The following ARHGAP23 variants were observed in gnomAD, a reference collection of about 807,000 sequenced individuals.
ARHGAP23 encodes the protein rho GTPase-activating protein 23.
A neutral mutation model predicts 136.3 loss-of-function variants in ARHGAP23; 34 were observed. That is an observed-to-expected ratio of 0.25 (90% CI 0.19 to 0.33). The LOEUF (loss-of-function observed/expected upper bound fraction) is 0.33. ARHGAP23 is among the 10% of genes least tolerant of loss of function. The pLI is 1.00. For missense variants in ARHGAP23, 1,808 were observed against 2,139.0 expected (o/e 0.85, Z 3.05); for synonymous variants, 832 against 920.5 (o/e 0.90, Z 1.74).
chr17:38,445,158 T>G (rs1378279326), intron 1 of ARHGAP23, among the ~76,000 whole-genome samples: 2 of 151,610 alleles, frequency 1.3e-5, no homozygotes, highest in African/African-American at 4.8e-5. Context: ...CTTGGCCTTT[T>G]TAAAAAAATC....
chr17:38,461,609 T>C (rs2144622418), intron 3 of ARHGAP23, among the ~76,000 whole-genome samples: 1 of 152,342 alleles, frequency 6.6e-6, no homozygotes, highest in East Asian at 1.9e-4. Flanking sequence ...CCCATTTCTC[T>C]GTTAGCTTAG....
chr17:38,428,136 G>A (rs1434025995), upstream of ARHGAP23, among the ~76,000 whole-genome samples: 2 of 152,054 alleles, frequency 1.3e-5, no homozygotes, highest in Non-Finnish European at 2.9e-5. Context: ...CGGTGCCCTT[G>A]TCCTCTTTCC....
chr17:38,479,883 G>A lies in ARHGAP23; in HGVS notation c.2629G>A (p.Asp877Asn). The A allele has an allele frequency of 6.5e-7, 1 of 1,546,760 alleles. No homozygotes were observed. The highest frequency in any genetic ancestry group is 8.7e-7 in the Non-Finnish European group (1 of 1,145,844). ...TCAGGACCTGCCCGCAGGGAGCAAG[G>A]GTAGGAAGGTGGCCACTGAGACAGG... ...RTQDLPAGSKDDSAAAPKTPW... is the reference protein window; with the variant it reads ...RTQDLPAGSKNDSAAAPKTPW... The change falls in exon 14 of 24, where the codon GAT (aspartate) becomes AAT (asparagine). Residue 877 changes from aspartate to asparagine, a missense_variant and splice_region_variant. Transcript: ENST00000622683.
At chr17:38,459,324 G>A (rs1203459540) in intron 2 of ARHGAP23, among the ~76,000 whole-genome samples, 1 of 152,194 alleles carries the variant, frequency 6.6e-6, no homozygotes, top group Non-Finnish European at 1.5e-5. Flanking sequence ...ATCTCTCTGT[G>A]TGCATATAGT....
In ARHGAP23 at chr17:38,485,248, C is replaced by A. The variant is rs530760152; in HGVS notation, c.2908-814C>A. ...TCCACTAGATGCAAGTGGCACCTCCCAGTTGGGAAAATCAAAATGGCTCCA... is the reference window on the plus strand; with the variant it reads ...TCCACTAGATGCAAGTGGCACCTCCAAGTTGGGAAAATCAAAATGGCTCCA... On this transcript the variant is annotated intron_variant, in intron 16 of 23. Transcript: ENST00000622683. 1.4e-4 allele frequency among the ~76,000 whole-genome samples: 21 copies of A among 152,272 alleles called. No individual in the cohort carries two copies. In the East Asian group the frequency reaches 2.1e-3, roughly 15 times the overall value.
Position 38,442,951 on chromosome 17 carries a change from C to T in ARHGAP23, c.63+14403C>T, listed in dbSNP as rs989155523. Among the ~76,000 whole-genome samples, 14 of 152,122 alleles carry T rather than the reference C, an allele frequency of 9.2e-5. No individual in the cohort carries two copies. In the South Asian group the frequency reaches 1.0e-3, roughly 11 times the overall value. On this transcript the variant is annotated intron_variant, in intron 1 of 23. Transcript: ENST00000622683. The stretch of plus-strand genomic sequence containing the variant: ...GACATCTAGGAAGCAGAGTCTACTC[C>T]GATGGGGGGATGGAGCGCTGGGGCC...
chr17:38,492,994 A>G (rs1010079706), intron 20 of ARHGAP23, among the ~76,000 whole-genome samples: 3 of 152,178 alleles, frequency 2.0e-5, no homozygotes, highest in Non-Finnish European at 4.4e-5. Flanking sequence ...TGCAGCCTTC[A>G]GGGAGGAAGG....
chr17:38,495,228 C>CTTTTT (rs11295890), intron 20 of ARHGAP23, among the ~76,000 whole-genome samples: 2 of 135,484 alleles, frequency 1.5e-5, no homozygotes, highest in Non-Finnish European at 3.2e-5. Context: ...TTTTCTTTTT[C>CTTTTT]TTTTTTTTTT....
chr17:38,483,172 A>G (rs755830228), intron 16 of ARHGAP23, among the ~76,000 whole-genome samples: 10 of 152,232 alleles, frequency 6.6e-5, no homozygotes, highest in Non-Finnish European at 1.5e-4. Flanking sequence ...TTAACAACGT[A>G]AAAACCATAC....
chr17:38,461,014 C>G (rs1183915105), intron 3 of ARHGAP23, 82 bp downstream of exon 3: 1 of 1,500,892 alleles, frequency 6.7e-7, no homozygotes, highest in South Asian at 1.3e-5. Context: ...CCTAAGACTG[C>G]CTGTCCTTTT....
Position 38,477,928 on chromosome 17 carries a change from G to A in ARHGAP23, c.2436+32G>A. 2 of 1,546,546 alleles carry A rather than the reference G, an allele frequency of 1.3e-6. No homozygotes were observed. The highest frequency in any genetic ancestry group is 8.7e-7 in the Non-Finnish European group (1 of 1,145,548). Reference sequence around the variant, plus strand: ...GCCCGGCCAGCCCGGCAGCCACAGAGGGCGGGCGGGGTGGCCTCTCACCGG... The same window carrying A: ...GCCCGGCCAGCCCGGCAGCCACAGAAGGCGGGCGGGGTGGCCTCTCACCGG... On this transcript the variant is annotated intron_variant, in intron 12 of 23. Coordinates refer to ENST00000622683, the MANE Select transcript of ARHGAP23 (RefSeq NM_001199417.2). This position sits in a 1 kb window ranked among gnomAD's most constrained non-coding sequence, Gnocchi z 6.6.
chr17:38,471,849 T>C lies in ARHGAP23; in HGVS notation c.1975-14T>C, dbSNP rs1202758996. The C allele has an allele frequency of 6.5e-7, 1 of 1,527,432 alleles. No homozygotes were observed. Among genetic ancestry groups the C allele is most frequent in the African/African-American group, 1.4e-5 (1 of 72,022 alleles). The allele number at this position is 1,527,432 out of a possible 1,614,324, so 94.6% of individuals were successfully genotyped here. On this transcript the variant is annotated splice_polypyrimidine_tract_variant and intron_variant, in intron 10 of 23. Coordinates refer to ENST00000622683, the MANE Select transcript of ARHGAP23 (RefSeq NM_001199417.2). ...GGGAGCCACCCTAAATTGTCCTCTG[T>C]TGTCTCCCTGCAGTCCTTGGATAGC... is the stretch of plus-strand genomic sequence containing the variant.
rs1220306737 is a variant in ARHGAP23 at position 38,477,643 on chromosome 17, C to T, written c.2183C>T (p.Ser728Leu). The change falls in exon 12 of 24, where the codon TCG (serine) becomes TTG (leucine). Residue 728 changes from serine (S) to leucine (L), a missense_variant. Physicochemically the swap from Ser to Leu is moderately radical, Grantham distance 145. Coordinates refer to ENST00000622683, the MANE Select transcript of ARHGAP23 (RefSeq NM_001199417.2). The surrounding 1 kb of genome is among the most constrained non-coding windows in gnomAD (Gnocchi z 6.6). ...VYAALRARSL[S>L]LSKERREPGP... ...GCCGCGCTGCGGGCGCGCTCGCTCT[C>T]GCTGAGCAAGGAGCGGCGGGAGCCC... 20 of 1,278,102 alleles carry T rather than the reference C, an allele frequency of 1.6e-5. No homozygotes were observed. The highest frequency in any genetic ancestry group is 4.3e-5 in the Admixed American group (1 of 23,304). The allele number at this position is 1,278,102 out of a possible 1,614,324, so 79.2% of individuals were successfully genotyped here.
In ARHGAP23 at chr17:38,510,891, G is replaced by A; in HGVS notation, c.4395G>A (p.Pro1465=). ...CCCCGTCGTCCGCTGCCTCGCAGCC[G>A]CCCGCGCCCGGGGACACGGGGTCCC... is the stretch of plus-strand genomic sequence containing the variant. The part of the protein sequence containing the change: ...ARAPSSAASQ[P]PAPGDTGSLQ... The change falls in exon 24 of 24, where the codon CCG becomes CCA. Residue 1465 remains proline (P), a synonymous_variant. Transcript: ENST00000622683. This position sits in a 1 kb window ranked among gnomAD's most constrained non-coding sequence, Gnocchi z 4.6. 2 of 1,490,976 alleles carry A rather than the reference G, an allele frequency of 1.3e-6. No individual in the cohort carries two copies. Among genetic ancestry groups the A allele is most frequent in the African/African-American group, 1.5e-5 (1 of 68,498 alleles). The allele number at this position is 1,490,976 out of a possible 1,614,324, so 92.4% of individuals were successfully genotyped here.
chr17:38,469,410 T>G (rs1011948910), intron 8 of ARHGAP23, 111 bp downstream of exon 8: 1 of 1,463,234 alleles, frequency 6.8e-7, no homozygotes, highest in Non-Finnish European at 9.2e-7. Context: ...TTTCCGCTTC[T>G]CCTGCGGCCC....
chr17:38,482,800 G>C (rs2040077218), intron 16 of ARHGAP23, 122 bp downstream of exon 16: 1 of 1,204,396 alleles, frequency 8.3e-7, no homozygotes, highest in Admixed American at 2.5e-5. Flanking sequence ...GCCCGGCATT[G>C]GTCCAGAACA....
In ARHGAP23 at chr17:38,482,611, A is replaced by G. The variant is rs1293402383; in HGVS notation, c.2840A>G (p.Asn947Ser). The G allele has an allele frequency of 8.4e-6, 13 of 1,550,006 alleles. No homozygotes were observed. In the South Asian group the frequency reaches 1.5e-4, roughly 18 times the overall value. Residue 947 changes from asparagine (N) to serine (S), a missense_variant, in exon 16 of 24, where the codon AAT (asparagine) becomes AGT (serine). Asn to Ser is a conservative substitution (Grantham distance 46, BLOSUM62 1). Around this residue, in one of 7 missense-constraint regions of ARHGAP23, gnomAD observed 105 missense variants for 200.6 expected, o/e 0.52. Coordinates refer to ENST00000622683, the MANE Select transcript of ARHGAP23 (RefSeq NM_001199417.2). Reference sequence around the variant, plus strand: ...GGCATTTACCGAGTGCCCGGCAACAATGCAGTGGTGTCCAGCCTACAGGAG... The same window carrying G: ...GGCATTTACCGAGTGCCCGGCAACAGTGCAGTGGTGTCCAGCCTACAGGAG... ...STGIYRVPGNNAVVSSLQEQL... is the reference protein window; with the variant it reads ...STGIYRVPGNSAVVSSLQEQL...
intron 1 of ARHGAP23, 30 bp downstream of exon 1, chr17:38,428,578 G>A (rs1040620314): frequency 7.3e-7 from 1 of 1,375,842 alleles, no homozygotes; most frequent in Non-Finnish European, 9.4e-7. Flanking sequence ...GAAGTGGGCG[G>A]GGCCGGTAGC....
Position 38,469,125 on chromosome 17 carries a change from T to A in ARHGAP23, c.1649-19T>A. On this transcript the variant is annotated intron_variant, in intron 7 of 23. Coordinates refer to ENST00000622683, the MANE Select transcript of ARHGAP23 (RefSeq NM_001199417.2). ...CCGCTGTCTGCTGCCTTCACACCTT[T>A]CTCCTTCCACATGCATAGATGAGCC... 1 of 1,539,618 alleles carries A rather than the reference T, an allele frequency of 6.5e-7. No individual in the cohort carries two copies. The highest frequency in any genetic ancestry group is 1.2e-5 in the South Asian group (1 of 82,592).
Sources: gnomAD v4.1 joint callset for allele counts (sites outside exome capture counted in the v4.1 genomes callset) on GRCh38, gnomAD v4.1.1 for gene constraint, gnomAD v4.1.1 regional missense constraint, Gnocchi (gnomAD v3.1) non-coding constraint, MANE v1.5 for transcripts, NCBI Gene and HGNC (gene_info 2026-07-23, HGNC 2026-07-21) for gene names.